The following C11orf65 variants were observed in gnomAD, a reference collection of about 807,000 sequenced individuals.
C11orf65 encodes the protein chromosome 11 open reading frame 65.
C11orf65 carries 38 observed loss-of-function variants against 35.3 expected under a neutral mutation model. That is an observed-to-expected ratio of 1.08 (90% confidence interval 0.83 to 1.41). The LOEUF is 1.41. Ranked by LOEUF, C11orf65 falls within the 40% of genes most tolerant of loss-of-function variation. The pLI is 0.00. For missense variants in C11orf65, 370 were observed against 367.1 expected (o/e 1.01, Z -0.06); for synonymous variants, 105 against 114.4 (o/e 0.92, Z 0.53).
At chr11:108,317,704 G>A (rs1015519095) in intron 6 of C11orf65, among the ~76,000 whole-genome samples, 2 of 144,768 alleles carry the variant, frequency 1.4e-5, no homozygotes, top group African/African-American at 2.6e-5. Context: ...TATATATAGT[G>A]TGTATGTGTG....
In C11orf65 at chr11:108,385,273, T is replaced by C. The variant is rs1205669950; in HGVS notation, c.787+647A>G. Among the ~76,000 whole-genome samples the C allele has an allele frequency of 6.6e-5, 10 of 152,092 alleles. No individual in the cohort carries two copies. In the East Asian group the frequency reaches 1.7e-3, roughly 27 times the overall value. On this transcript the variant is annotated intron_variant, in intron 8 of 8. Transcript: ENST00000393084. The stretch of plus-strand genomic sequence containing the variant: ...TTTTAGTAGAGTCAGGGTTTCACCA[T>C]GTTGGCCAGGCTGGTCTCGAACTCC...
Position 108,382,802 on chromosome 11 carries a change from TAC to T in C11orf65, c.*217_*218del. On this transcript the variant is annotated 3_prime_UTR_variant, in exon 9 of 9. Coordinates refer to ENST00000393084, the MANE Select transcript of C11orf65 (RefSeq NM_152587.5). ...TACTTAAGTGTGACTGTTAGAATAC[TAC>T]AGTTTCTCAGAATACTAGGAATAAT... 4.1e-6 allele frequency: 4 copies of T among 984,026 alleles called. No individual in the cohort carries two copies. The highest frequency in any genetic ancestry group is 4.8e-6 in the Non-Finnish European group (4 of 828,642). The allele number at this position is 984,026 out of a possible 1,614,324, so 61.0% of individuals were successfully genotyped here.
intron 6 of C11orf65, chr11:108,325,919 C>CA (rs2136326014): frequency 9.6e-7 from 1 of 1,038,072 alleles, no homozygotes; most frequent in African/African-American, 1.6e-5. Flanking sequence ...GTCATGCAGA[C>CA]AGAGAGGTCC....
chr11:108,373,609 G>C (rs964428442), intron 2 of C11orf65, among the ~76,000 whole-genome samples: 13 of 152,246 alleles, frequency 8.5e-5, no homozygotes, highest in Admixed American at 2.0e-4. Flanking sequence ...CAGAAGACGG[G>C]TGATTTCTGC....
At chr11:108,420,193 C>A (rs961522172) in intron 3 of C11orf65, among the ~76,000 whole-genome samples, 1 of 152,116 alleles carries the variant, frequency 6.6e-6, no homozygotes, top group Non-Finnish European at 1.5e-5. Context: ...ATATGTAAGA[C>A]CTCTCTATAG....
intron 2 of C11orf65, among the ~76,000 whole-genome samples, chr11:108,455,354 C>T (rs560367653): frequency 6.6e-6 from 1 of 152,216 alleles, no homozygotes; most frequent in East Asian, 1.9e-4. Context: ...CTTAAAGACT[C>T]TTATCAAAAA....
intron 2 of C11orf65, chr11:108,347,150 T>C (rs1008579520): frequency 1.3e-6 from 1 of 771,078 alleles, no homozygotes; most frequent in Admixed American, 2.0e-5. Context: ...TGCACATCAT[T>C]TAAGTAGGCT....
chr11:108,348,582 AATG>A (rs1179748932), intron 2 of C11orf65, among the ~76,000 whole-genome samples: 1 of 152,000 alleles, frequency 6.6e-6, no homozygotes, highest in African/African-American at 2.4e-5. Flanking sequence ...GTGTGAATGT[AATG>A]TAAAGAAGTG....
intron 3 of C11orf65, among the ~76,000 whole-genome samples, chr11:108,419,078 A>T (rs190885397): frequency 6.6e-6 from 1 of 152,178 alleles, no homozygotes; most frequent in Non-Finnish European, 1.5e-5. Context: ...AATAACACTC[A>T]ATGTGAAAAA....
At position 108,387,124 on chromosome 11, in the gene C11orf65, G is replaced by A. The variant is rs1345310382; in HGVS notation, c.732-1149C>T. Among the ~76,000 whole-genome samples the A allele has an allele frequency of 3.6e-5, 5 of 140,336 alleles. No individual in the cohort carries two copies. In the East Asian group the frequency reaches 6.3e-4, roughly 18 times the overall value. 92.1% of individuals were successfully genotyped at this position (140,336 alleles called of 152,430 possible). A position where few individuals can be genotyped will look rare whatever the true frequency, so the allele number is the denominator to read the frequency against. ...TATCATGTAATTCAGAAAACACTGTGATTTTCTTTTCTTTTCTTTCTTTCT... is the reference window on the plus strand; with the variant it reads ...TATCATGTAATTCAGAAAACACTGTAATTTTCTTTTCTTTTCTTTCTTTCT... On this transcript the variant is annotated intron_variant, in intron 7 of 8. Coordinates refer to ENST00000393084, the MANE Select transcript of C11orf65 (RefSeq NM_152587.5).
intron 3 of C11orf65, among the ~76,000 whole-genome samples, chr11:108,418,649 A>G (rs963292845): frequency 1.3e-5 from 2 of 152,094 alleles, no homozygotes; most frequent in Non-Finnish European, 2.9e-5. Context: ...AGGAAATAAT[A>G]AACAGCAGAA....
intron 2 of C11orf65, among the ~76,000 whole-genome samples, chr11:108,373,388 G>A (rs1444904682): frequency 4.6e-5 from 7 of 152,164 alleles, no homozygotes; most frequent in African/African-American, 9.7e-5. Flanking sequence ...CATATTTAAT[G>A]ATGAAAACCT....
At position 108,317,615 on chromosome 11, in the gene C11orf65, TTATATATATATATATA is replaced by T. The variant is rs376158749; in HGVS notation, c.641-8560_641-8545del. 30 of 215,366 alleles carry T rather than the reference TTATATATATATATATA, an allele frequency of 1.4e-4. 2 individuals carry two copies. Among genetic ancestry groups the T allele is most frequent in the Admixed American group, 7.4e-4 (11 of 14,862 alleles). 13.3% of individuals were successfully genotyped at this position (215,366 alleles called of 1,614,324 possible). ...TTCTATGAATATAACAGGAGTTGTT[TTATATATATATATATA>T]TATATATATATATATATATATACAC... On this transcript the variant is annotated intron_variant, in intron 6 of 6. Coordinates refer to the C11orf65 transcript ENST00000525729.
Position 108,325,415 on chromosome 11 carries a change from A to G in C11orf65, c.641-16344T>C, listed in dbSNP as rs772173373. The G allele has an allele frequency of 5.0e-6, 8 of 1,613,850 alleles. No individual in the cohort carries two copies. In the East Asian group the frequency reaches 1.6e-4, roughly 31 times the overall value. On this transcript the variant is annotated intron_variant, in intron 6 of 6. Transcript: ENST00000525729. The stretch of plus-strand genomic sequence containing the variant: ...GTTTTCAGGAGCCTATCATGGCTCT[A>G]CGCACAGTCATTTTGGAGATCCTGA...
intron 2 of C11orf65, among the ~76,000 whole-genome samples, chr11:108,358,849 A>T (rs1363959531): frequency 5.3e-5 from 8 of 151,662 alleles, no homozygotes; most frequent in Non-Finnish European, 1.2e-4. Context: ...TCATGCCAAA[A>T]TGTAAAGACC....
chr11:108,431,934 T>G, intron 2 of C11orf65, 96 bp from the exon 3 acceptor site: 1 of 616,744 alleles, frequency 1.6e-6, no homozygotes, highest in Non-Finnish European at 2.7e-6. Flanking sequence ...TAAAGTACCA[T>G]AAAATAGATT....
At chr11:108,397,353 C>T (rs1591462200) in intron 6 of C11orf65, among the ~76,000 whole-genome samples, 1 of 150,028 alleles carries the variant, frequency 6.7e-6, no homozygotes, top group African/African-American at 2.4e-5. Context: ...AATTTGTCTT[C>T]GTAGGTAATT....
At chr11:108,311,636 T>G (rs1298008598) in intron 6 of C11orf65, among the ~76,000 whole-genome samples, 1 of 151,634 alleles carries the variant, frequency 6.6e-6, no homozygotes, top group East Asian at 1.9e-4. Context: ...AGGGAGAGGC[T>G]GCAGTGAGCC....
chr11:108,345,373 G>A (rs1476951805), intron 2 of C11orf65, among the ~76,000 whole-genome samples: 1 of 152,190 alleles, frequency 6.6e-6, no homozygotes, highest in Non-Finnish European at 1.5e-5. Context: ...GGATTCTTCT[G>A]TTCTTTCTCT....
Sources: allele counts gnomAD v4.1 joint callset (sites outside exome capture counted in the v4.1 genomes callset), GRCh38; gene constraint gnomAD v4.1.1; transcripts MANE v1.5; gene names NCBI Gene and HGNC (gene_info 2026-07-23, HGNC 2026-07-21).